The following DDX42 variants were observed in gnomAD, a reference collection of about 807,000 sequenced individuals.
DDX42 encodes the protein DEAD-box helicase 42.
Under a neutral mutation model 101.5 loss-of-function variants are expected in DDX42, and 22 were observed. That is an observed-to-expected ratio of 0.22 (90% CI 0.15 to 0.31). The LOEUF is 0.31. Among genes scored for constraint, DDX42 ranks in the 10% least tolerant of loss-of-function variants. The pLI is 1.00. For missense variants in DDX42, 849 were observed against 1,199.9 expected, an observed-to-expected ratio of 0.71 and a Z score of 4.32; for synonymous variants, 402 against 401.2, an observed-to-expected ratio of 1.00 and a Z score of -0.02.
At chr17:63,811,819 A>G in intron 13 of DDX42, 113 bp from the exon 14 acceptor site, 1 of 1,401,596 alleles carries the variant, frequency 7.1e-7, no homozygotes, top group Non-Finnish European at 9.9e-7. Flanking sequence ...CCCAAGGAGA[A>G]CTGGGATTGT....
intron 3 of DDX42, among the ~76,000 whole-genome samples, chr17:63,796,516 A>G (rs2039694607): frequency 2.0e-5 from 3 of 152,324 alleles, no homozygotes; most frequent in Admixed American, 6.5e-5. Context: ...GGGTTTCTCC[A>G]TATTGGTCAG....
chr17:63,803,782 T>C (rs1433438619), intron 6 of DDX42, among the ~76,000 whole-genome samples: 1 of 151,550 alleles, frequency 6.6e-6, no homozygotes, highest in Non-Finnish European at 1.5e-5. Flanking sequence ...CCCGAGTAGC[T>C]GGGACTACAG....
At chr17:63,784,272 TTAAAG>T (rs893996797) in intron 1 of DDX42, among the ~76,000 whole-genome samples, 5 of 152,180 alleles carry the variant, frequency 3.3e-5, no homozygotes, top group Admixed American at 2.0e-4. Context: ...GAAATTAAAA[TTAAAG>T]TAAACATTTT....
At chr17:63,784,079 GACAA>G (rs999734035) in intron 1 of DDX42, among the ~76,000 whole-genome samples, 136 of 151,950 alleles carry the variant, frequency 9.0e-4, no homozygotes, top group Middle Eastern at 6.8e-3. Flanking sequence ...AAAACAAACA[GACAA>G]ACAAAAACCT....
intron 1 of DDX42, among the ~76,000 whole-genome samples, chr17:63,781,810 A>G (rs1034401351): frequency 6.6e-6 from 1 of 151,614 alleles, no homozygotes; most frequent in Non-Finnish European, 1.5e-5. Context: ...GGAGATCGAG[A>G]CCATCCTGGC....
intron 2 of DDX42, among the ~76,000 whole-genome samples, chr17:63,789,150 C>T (rs1004863290): frequency 6.6e-6 from 1 of 151,998 alleles, no homozygotes; most frequent in African/African-American, 2.4e-5. Flanking sequence ...GTGATCTAGG[C>T]TCACAGCAAC....
chr17:63,815,355 G>A lies in DDX42; in HGVS notation c.1903-208G>A, dbSNP rs114375985. 8.1e-3 allele frequency among the ~76,000 whole-genome samples: 1,230 copies of A among 152,298 alleles called. 21 individuals carry two copies. The highest frequency in any genetic ancestry group is 0.028 in the African/African-American group (1,160 of 41,570). On this transcript the variant is annotated intron_variant, in intron 15 of 17. Coordinates refer to ENST00000389924, the MANE Select transcript of DDX42 (RefSeq NM_203499.3). Reference sequence around the variant, plus strand: ...GAGCACTGTAGGAAGCCTTAGATAAGGATCTCAGCCACTTTTCAAATTTGG... The same window carrying A: ...GAGCACTGTAGGAAGCCTTAGATAAAGATCTCAGCCACTTTTCAAATTTGG...
intron 9 of DDX42, 79 bp from the exon 10 acceptor site, chr17:63,808,741 T>C (rs1221427717): frequency 6.4e-7 from 1 of 1,567,384 alleles, no homozygotes; most frequent in East Asian, 2.3e-5. Context: ...TCACATTCTG[T>C]TTTTCAGAAC....
At chr17:63,815,937 GAC>G (rs763947811) in intron 16 of DDX42, 4 of 196,786 alleles carry the variant, frequency 2.0e-5, no homozygotes, top group Non-Finnish European at 4.1e-5. Flanking sequence ...GTGGTCCCTG[GAC>G]CAGCAGCACA....
rs577970491 is a variant in DDX42 at position 63,801,835 on chromosome 17, G to A, written c.621+1218G>A. On this transcript the variant is annotated intron_variant, in intron 6 of 17. Transcript: ENST00000389924. ...GATGAGAGGCTGTTTCTTCACAGTGGAGCCAGTAATTACAGGATCCTTAAG... is the reference window on the plus strand; with the variant it reads ...GATGAGAGGCTGTTTCTTCACAGTGAAGCCAGTAATTACAGGATCCTTAAG... Among the ~76,000 whole-genome samples the A allele has an allele frequency of 2.6e-5, 4 of 152,190 alleles. No individual in the cohort carries two copies. The South Asian group carries it at 8.3e-4, about 32-fold the overall frequency.
At chr17:63,786,716 C>T (rs113275547) in intron 1 of DDX42, among the ~76,000 whole-genome samples, 5,182 of 152,212 alleles carry the variant, frequency 0.034, 273 homozygotes, top group African/African-American at 0.12. Context: ...CTCGCTGTGT[C>T]GCCCAGGCTG....
intron 1 of DDX42, among the ~76,000 whole-genome samples, chr17:63,782,769 C>T (rs376745315): frequency 6.6e-6 from 1 of 152,294 alleles, no homozygotes; most frequent in East Asian, 1.9e-4. Context: ...CCATGAGTAT[C>T]TCTCATTCTG....
At position 63,799,755 on chromosome 17, in the gene DDX42, C is replaced by T. The variant is rs1260864029; in HGVS notation, c.471+130C>T. 4.6e-6 allele frequency: 4 copies of T among 873,712 alleles called. No individual in the cohort carries two copies. In the African/African-American group the frequency reaches 5.0e-5, roughly 11 times the overall value. The allele number at this position is 873,712 out of a possible 1,614,324, so 54.1% of individuals were successfully genotyped here. The stretch of plus-strand genomic sequence containing the variant: ...AGCAGGGAATGTCATTTGATTTGCT[C>T]CTTTTGTACCTGTGTGACCAATTGG... On this transcript the variant is annotated intron_variant, in intron 5 of 17. Coordinates refer to ENST00000389924, the MANE Select transcript of DDX42 (RefSeq NM_203499.3).
In DDX42 at chr17:63,819,215, GGAAAA is replaced by G. The variant is rs1225147260; in HGVS notation, c.*822_*826del. 1 of 152,538 alleles carries G rather than the reference GGAAAA, an allele frequency of 6.6e-6. No homozygotes were observed. The highest frequency in any genetic ancestry group is 1.9e-4 in the East Asian group (1 of 5,194). 9.4% of individuals were successfully genotyped at this position (152,538 alleles called of 1,614,324 possible). A position where few individuals can be genotyped will look rare whatever the true frequency, so the allele number is the denominator to read the frequency against. ...GATTTTTGTTTATCGTTTATAAAAA[GGAAAA>G]GAAATATACAAACTTTGACTTTTGT... On this transcript the variant is annotated 3_prime_UTR_variant, in exon 18 of 18. Transcript: ENST00000389924.
At chr17:63,792,271 C>A (rs2039637346) in intron 2 of DDX42, 141 bp from the exon 3 acceptor site, 2 of 828,212 alleles carry the variant, frequency 2.4e-6, no homozygotes, top group Non-Finnish European at 3.6e-6. Context: ...AGGTCATTAG[C>A]CAAAGCCTTG....
At chr17:63,799,392 C>G (rs913573359) in intron 4 of DDX42, 197 bp from the exon 5 acceptor site, 4 of 449,476 alleles carry the variant, frequency 8.9e-6, no homozygotes, top group Middle Eastern at 3.1e-4. Flanking sequence ...AAAAGAAATG[C>G]AAACTGCAGA....
chr17:63,798,227 C>T (rs780404319), intron 4 of DDX42, 128 bp downstream of exon 4: 150 of 765,796 alleles, frequency 2.0e-4, no homozygotes, highest in Admixed American at 3.6e-4. Context: ...GAAGTTATTC[C>T]TGTATCTTGA....
At position 63,787,393 on chromosome 17, in the gene DDX42, C is replaced by T. The variant is rs556556496; in HGVS notation, c.221+123C>T. 3.0e-5 allele frequency: 30 copies of T among 1,008,094 alleles called. No homozygotes were observed. The East Asian group carries it at 5.7e-4, about 19-fold the overall frequency. 62.4% of individuals were successfully genotyped at this position (1,008,094 alleles called of 1,614,324 possible). On this transcript the variant is annotated intron_variant, in intron 2 of 17. Coordinates refer to ENST00000389924, the MANE Select transcript of DDX42 (RefSeq NM_203499.3). ...TAATGAATTCTTAAATTATGTGTCT[C>T]GCTGAATTCCATTGTTCCTAATAAG...
chr17:63,812,278 C>A, intron 14 of DDX42, 70 bp downstream of exon 14: 1 of 1,527,244 alleles, frequency 6.5e-7, no homozygotes, highest in Non-Finnish European at 8.8e-7. Flanking sequence ...CTACATAAGA[C>A]CTATAATATC....
Sources: gnomAD v4.1 joint callset for allele counts (sites outside exome capture counted in the v4.1 genomes callset) on GRCh38, gnomAD v4.1.1 for gene constraint, MANE v1.5 for transcripts, NCBI Gene and HGNC (gene_info 2026-07-23, HGNC 2026-07-21) for gene names.